RUNX1T1: variants seen among roughly 807,000 people sequenced by gnomAD.
RUNX1T1 encodes the protein RUNX1 partner transcriptional co-repressor 1, also known as protein CBFA2T1.
Under a neutral mutation model 62.8 loss-of-function variants are expected in RUNX1T1, and 4 were observed. The observed-to-expected ratio is 0.06, with a 90% confidence interval of 0.03 to 0.15. RUNX1T1 has a LOEUF of 0.15. Ranked by LOEUF, RUNX1T1 falls within the 10% of genes least tolerant of loss-of-function variation. The pLI, the probability that RUNX1T1 is intolerant of heterozygous loss-of-function variation, is 1.00. For synonymous variants in RUNX1T1, 291 were observed against 286.0 expected (o/e 1.02, Z -0.18); for missense variants, 508 against 754.3 (o/e 0.67, Z 3.82).
downstream of RUNX1T1, chr8:91,955,468 A>AT (rs1286746724): frequency 4.4e-6 from 1 of 226,442 alleles, no homozygotes; most frequent in East Asian, 6.4e-5. Flanking sequence ...TGTTTCCACT[A>AT]TTTAAAAAAA....
At chr8:92,050,382 T>C (rs1414223984) in intron 1 of RUNX1T1, among the ~76,000 whole-genome samples, 1 of 152,244 alleles carries the variant, frequency 6.6e-6, no homozygotes, top group Non-Finnish European at 1.5e-5. Context: ...GCCAACTGTT[T>C]AAATGTTCCT....
exon 6 of RUNX1T1, chr8:91,991,809 T>A: frequency 1.9e-6 from 3 of 1,614,156 alleles, no homozygotes; most frequent in Non-Finnish European, 2.5e-6. Flanking sequence ...ACTGTACCGC[T>A]GGCCTGGGCT....
intron 9 of RUNX1T1, among the ~76,000 whole-genome samples, chr8:91,974,092 A>C (rs1813409342): frequency 6.6e-6 from 1 of 152,090 alleles, no homozygotes; most frequent in African/African-American, 2.4e-5. Flanking sequence ...TAAGTCCCCA[A>C]AACCTAAATT....
chr8:92,035,410 A>T (rs952193109), intron 1 of RUNX1T1, among the ~76,000 whole-genome samples: 1 of 152,012 alleles, frequency 6.6e-6, no homozygotes, highest in Non-Finnish European at 1.5e-5. Flanking sequence ...TAATGATCAC[A>T]TTTGGTACAC....
intron 6 of RUNX1T1, 117 bp from the exon 8 acceptor site, chr8:91,987,089 G>A (rs1816731127): frequency 2.8e-6 from 2 of 723,114 alleles, no homozygotes; most frequent in Admixed American, 3.8e-5. Flanking sequence ...GTTTGATTTT[G>A]GATGGAGACA....
At chr8:92,003,226 A>G (rs1385909041) in intron 5 of RUNX1T1, 1 of 398,156 alleles carries the variant, frequency 2.5e-6, no homozygotes, top group East Asian at 7.2e-5. Flanking sequence ...CAGAGCATCA[A>G]AACAAGAATG....
chr8:91,957,672 T>A (rs1284532954), downstream of RUNX1T1: 1 of 227,110 alleles, frequency 4.4e-6, no homozygotes, highest in East Asian at 6.3e-5. Context: ...ATTTTTGGGA[T>A]TATTTAACCC....
At chr8:91,979,933 T>C in intron 8 of RUNX1T1, 1 of 515,322 alleles carries the variant, frequency 1.9e-6, no homozygotes, top group Non-Finnish European at 3.8e-6. Flanking sequence ...GCCTTCATCC[T>C]GTAGTGGGCA....
At chr8:92,060,553 A>ATATATATATATGTGTGTGTGTGTGTGTG in intron 1 of RUNX1T1, among the ~76,000 whole-genome samples, 32 of 63,888 alleles carry the variant, frequency 5.0e-4, no homozygotes, top group Admixed American at 9.9e-4. Flanking sequence ...ATATATATAT[A>ATATATATATATGTGTGTGTGTGTGTGTG]TGTGTGTGTG....
intron 1 of RUNX1T1, among the ~76,000 whole-genome samples, chr8:92,078,542 G>C (rs1001111123): frequency 6.6e-6 from 1 of 152,028 alleles, no homozygotes; most frequent in Non-Finnish European, 1.5e-5. Context: ...ACAATTTGTA[G>C]TTCTACAAGT....
At chr8:92,067,399 G>A (rs1833029204), upstream of RUNX1T1, among the ~76,000 whole-genome samples, 1 of 152,166 alleles carries the variant, frequency 6.6e-6, no homozygotes, top group Non-Finnish European at 1.5e-5. Context: ...CTTCACCTAT[G>A]ACTTATGTAA....
upstream of RUNX1T1, among the ~76,000 whole-genome samples, chr8:92,101,835 G>T (rs1838050477): frequency 6.6e-6 from 1 of 152,180 alleles, no homozygotes; most frequent in African/African-American, 2.4e-5. Context: ...TCAGCGCCAG[G>T]TCCCCCCCGG....
In RUNX1T1 at chr8:91,985,758, T is replaced by A. The variant is rs187963483; in HGVS notation, c.1198+366A>T. Among the ~76,000 whole-genome samples the A allele has an allele frequency of 2.0e-5, 3 of 152,276 alleles. No homozygotes were observed. The East Asian group carries it at 5.8e-4, about 29-fold the overall frequency. On this transcript the variant is annotated intron_variant, in intron 8 of 10. Transcript: ENST00000396218. Reference sequence around the variant, plus strand: ...TAACATTGGTATGCAGTGGCAGAATTCACTAGAGACCTTGACGGAAGTGCC... The same window carrying A: ...TAACATTGGTATGCAGTGGCAGAATACACTAGAGACCTTGACGGAAGTGCC...
chr8:92,073,183 A>T (rs1833935867), intron 2 of RUNX1T1, among the ~76,000 whole-genome samples: 2 of 152,158 alleles, frequency 1.3e-5, no homozygotes, highest in Non-Finnish European at 2.9e-5. Context: ...AGGTGTCCCA[A>T]ATCTGTCTGG....
chr8:92,007,467 TAA>T (rs111573829), intron 4 of RUNX1T1, among the ~76,000 whole-genome samples: 1 of 138,610 alleles, frequency 7.2e-6, no homozygotes. Flanking sequence ...TCAGTCTAAT[TAA>T]AAAAAAAAAA....
At chr8:92,018,976 C>T (rs553201586) in intron 1 of RUNX1T1, among the ~76,000 whole-genome samples, 1 of 152,174 alleles carries the variant, frequency 6.6e-6, no homozygotes, top group Non-Finnish European at 1.5e-5. Context: ...GGTAGAGACA[C>T]ACATGAAGAG....
At chr8:91,989,605 C>T (rs1817248261) in intron 6 of RUNX1T1, among the ~76,000 whole-genome samples, 1 of 152,156 alleles carries the variant, frequency 6.6e-6, no homozygotes, top group African/African-American at 2.4e-5. Flanking sequence ...TAATATTTCA[C>T]AAAATAGCAC....
chr8:92,019,476 A>G (rs1369116794), intron 1 of RUNX1T1, among the ~76,000 whole-genome samples: 1 of 152,052 alleles, frequency 6.6e-6, no homozygotes, highest in African/African-American at 2.4e-5. Flanking sequence ...AGGAAAAAGA[A>G]GAGGAGGAAA....
chr8:92,038,578 A>G (rs1211001535), intron 1 of RUNX1T1, among the ~76,000 whole-genome samples: 1 of 152,160 alleles, frequency 6.6e-6, no homozygotes, highest in Non-Finnish European at 1.5e-5. Context: ...AATGAGCCCA[A>G]GCATATCCAA....
Sources: gnomAD v4.1 joint callset for allele counts (sites outside exome capture counted in the v4.1 genomes callset) on GRCh38, gnomAD v4.1.1 for gene constraint, MANE v1.5 for transcripts, NCBI Gene and HGNC (gene_info 2026-07-23, HGNC 2026-07-21) for gene names.